Variants in UGT1A7 observed in about 807,000 individuals in gnomAD.
UGT1A7 encodes UDP-glucuronosyltransferase 1A7.
A neutral mutation model predicts 45.6 loss-of-function variants in UGT1A7; 33 were observed. That is an observed-to-expected ratio of 0.72 (90% CI 0.55 to 0.97). UGT1A7 has a LOEUF of 0.97. UGT1A7 is among the 50% of genes least tolerant of loss of function. UGT1A7 has a pLI of 0.00. For missense variants in UGT1A7, 684 were observed against 666.2 expected (o/e 1.03, Z -0.29); for synonymous variants, 274 against 250.6 (o/e 1.09, Z -0.88).
rs1343338419 is a variant in UGT1A7, at chr2:233,702,269, GC to G, written c.855+19478del. Among the ~76,000 whole-genome samples the G allele has an allele frequency of 3.3e-5, 5 of 152,172 alleles. No homozygotes were observed. In the South Asian group the frequency reaches 8.3e-4, roughly 25 times the overall value. Reference sequence around the variant, plus strand: ...ATTCCATTCACAAAATACATGAATAGCTTTTTCCCTTTAGCATAAAGAGTTT... The same window carrying G: ...ATTCCATTCACAAAATACATGAATAGTTTTTCCCTTTAGCATAAAGAGTTT... On this transcript the variant is annotated intron_variant, in intron 1 of 4. Transcript: ENST00000373426.
At chr2:233,752,938 T>A (rs1691143472) in intron 1 of UGT1A7, among the ~76,000 whole-genome samples, 2 of 152,262 alleles carry the variant, frequency 1.3e-5, no homozygotes, top group South Asian at 4.1e-4. Flanking sequence ...CACTCTTTGC[T>A]GACCACTGAA....
chr2:233,682,059 T>C lies in UGT1A7; in HGVS notation c.122T>C (p.Met41Thr). 6.2e-7 allele frequency: 1 copy of C among 1,614,110 alleles called. No homozygotes were observed. Among genetic ancestry groups the C allele is most frequent in the Non-Finnish European group, 8.5e-7 (1 of 1,180,012 alleles). Residue 41 changes from methionine to threonine, a missense_variant, in exon 1 of 5, where the codon ATG becomes ACG. By Grantham distance (81) the Met-to-Thr change is moderately conservative. Transcript: ENST00000373426. ...ATGGATGGGAGCCACTGGTTCACCA[T>C]GCAGTCGGTGGTGGAGAAACTCATC... ...VPMDGSHWFTMQSVVEKLILR... is the reference protein window; with the variant it reads ...VPMDGSHWFTTQSVVEKLILR...
chr2:233,770,760 A>G (rs1700148901), intron 4 of UGT1A7: 1 of 152,240 alleles, frequency 6.6e-6, no homozygotes, highest in Non-Finnish European at 1.5e-5. Context: ...CTAATATTAC[A>G]TTATAATAAT....
chr2:233,703,013 G>T lies in UGT1A7; in HGVS notation c.855+20221G>T, dbSNP rs144391169. ...CTCTTCTATTTTTTGGGAACAGTCT[G>T]TCAAGAATTGGTATTCATTCTTTAC... is the stretch of plus-strand genomic sequence containing the variant. On this transcript the variant is annotated intron_variant, in intron 1 of 4. Coordinates refer to ENST00000373426, the MANE Select transcript of UGT1A7 (RefSeq NM_019077.3). Among the ~76,000 whole-genome samples, 828 of 152,308 alleles carry T rather than the reference G, an allele frequency of 5.4e-3. 6 individuals carry two copies. The highest frequency in any genetic ancestry group is 0.019 in the African/African-American group (788 of 41,570).
intron 1 of UGT1A7, among the ~76,000 whole-genome samples, chr2:233,703,677 AT>A (rs1271383463): frequency 6.6e-5 from 10 of 151,954 alleles, no homozygotes; most frequent in African/African-American, 1.7e-4. Flanking sequence ...TTCATGATAT[AT>A]TTTTTTTCCA....
intron 1 of UGT1A7, chr2:233,691,761 TC>T (rs752208388): frequency 5.9e-5 from 26 of 440,350 alleles, no homozygotes; most frequent in Non-Finnish European, 7.8e-5. Flanking sequence ...TGACTCCTGC[TC>T]TAGGATTCTC....
At chr2:233,720,365 G>T (rs920594093) in intron 1 of UGT1A7, among the ~76,000 whole-genome samples, 1 of 152,064 alleles carries the variant, frequency 6.6e-6, no homozygotes, top group Non-Finnish European at 1.5e-5. Flanking sequence ...ATGTCAAAAG[G>T]GTCTTCTACT....
chr2:233,740,547 G>A (rs1575636319), intron 1 of UGT1A7: 1 of 151,824 alleles, frequency 6.6e-6, no homozygotes, highest in African/African-American at 2.4e-5. Flanking sequence ...ACTCCAGCCA[G>A]AAAAAATGTC....
At chr2:233,734,101 TATAATA>T (rs549143261) in intron 1 of UGT1A7, among the ~76,000 whole-genome samples, 1 of 151,280 alleles carries the variant, frequency 6.6e-6, no homozygotes, top group Admixed American at 6.6e-5. Context: ...AAACTTAAAG[TATAATA>T]ATAATAATAA....
intron 1 of UGT1A7, among the ~76,000 whole-genome samples, chr2:233,706,634 CTG>C (rs969226028): frequency 6.6e-6 from 1 of 152,204 alleles, no homozygotes; most frequent in African/African-American, 2.4e-5. Flanking sequence ...AGTGTTTCTA[CTG>C]TGTCTGTGCC....
At chr2:233,754,118 A>C (rs562649705) in intron 1 of UGT1A7, among the ~76,000 whole-genome samples, 4 of 152,236 alleles carry the variant, frequency 2.6e-5, no homozygotes, top group Non-Finnish European at 5.9e-5. Flanking sequence ...CATCACGAGC[A>C]TTTATGTGCA....
intron 1 of UGT1A7, chr2:233,729,153 G>T: frequency 6.2e-7 from 1 of 1,613,546 alleles, no homozygotes; most frequent in African/African-American, 1.3e-5. Context: ...AGGTTCCCCT[G>T]CCGTGGCTGG....
At chr2:233,757,535 A>AATATATATACATATACATACATATATAT (rs376887521) in intron 1 of UGT1A7, among the ~76,000 whole-genome samples, 2 of 88,312 alleles carry the variant, frequency 2.3e-5, no homozygotes, top group African/African-American at 1.0e-4. Context: ...GCCTGTAAGG[A>AATATATATACATATACATACATATATAT]ATATATATAT....
At chr2:233,757,560 A>ATATATATATATATATATATG (rs904896556) in intron 1 of UGT1A7, among the ~76,000 whole-genome samples, 15 of 123,136 alleles carry the variant, frequency 1.2e-4, no homozygotes, top group African/African-American at 5.1e-4. Context: ...ATATATATAT[A>ATATATATATATATATATATG]TGTATATATG....
intron 1 of UGT1A7, among the ~76,000 whole-genome samples, chr2:233,685,164 G>C (rs2125531270): frequency 6.6e-6 from 1 of 152,218 alleles, no homozygotes; most frequent in Admixed American, 6.5e-5. Flanking sequence ...AACAAGGATG[G>C]TAGATCATCA....
intron 1 of UGT1A7, chr2:233,693,643 T>C: frequency 6.2e-7 from 1 of 1,614,190 alleles, no homozygotes; most frequent in Non-Finnish European, 8.5e-7. Context: ...CCAACTTCCT[T>C]GTTAATTTGT....
intron 1 of UGT1A7, among the ~76,000 whole-genome samples, chr2:233,683,951 C>G (rs2074657441): frequency 6.6e-6 from 1 of 152,110 alleles, no homozygotes; most frequent in South Asian, 2.1e-4. Flanking sequence ...GTCTAGCCAG[C>G]TTAAATTAGG....
chr2:233,699,892 C>T (rs566030513), intron 1 of UGT1A7, among the ~76,000 whole-genome samples: 3 of 152,224 alleles, frequency 2.0e-5, no homozygotes, highest in South Asian at 2.1e-4. Flanking sequence ...ATTGGAGAGG[C>T]GAAATAGTCA....
At position 233,693,631 on chromosome 2, in the gene UGT1A7, G is replaced by T. The variant is rs17863783; in HGVS notation, c.855+10839G>T. The T allele has an allele frequency of 0.029, 47,294 of 1,614,074 alleles. 1,195 individuals are homozygous for T. Among genetic ancestry groups the T allele is most frequent in the African/African-American group, 0.12 (8,744 of 74,988 alleles). The stretch of plus-strand genomic sequence containing the variant: ...ACCACATGACTTTTTCCCAACGAGT[G>T]GCCAACTTCCTTGTTAATTTGTTGG... On this transcript the variant is annotated intron_variant, in intron 1 of 4. Coordinates refer to ENST00000373426, the MANE Select transcript of UGT1A7 (RefSeq NM_019077.3).
Sources: gnomAD v4.1 joint callset for allele counts (sites outside exome capture counted in the v4.1 genomes callset) on GRCh38, gnomAD v4.1.1 for gene constraint, MANE v1.5 for transcripts, NCBI Gene and HGNC (gene_info 2026-07-23, HGNC 2026-07-21) for gene names.